EDARADD: variants seen among roughly 807,000 people sequenced by gnomAD.
The protein encoded by EDARADD is EDAR associated via death domain.
A neutral mutation model predicts 25.6 loss-of-function variants in EDARADD; 20 were observed. The ratio of observed to expected loss-of-function variants is 0.78; its 90% CI spans 0.55 to 1.14. The LOEUF is 1.14. EDARADD is among the 50% of genes most tolerant of loss of function. The pLI is 0.00. For synonymous variants in EDARADD, 86 were observed against 94.4 expected (o/e 0.91, Z 0.52); for missense variants, 225 against 270.1 (o/e 0.83, Z 1.17).
At chr1:236,447,224 C>CTTTTCTTTCTTTCTTTCTTTCTTT in intron 4 of EDARADD, among the ~76,000 whole-genome samples, 1 of 38,546 alleles carries the variant, frequency 2.6e-5, no homozygotes, top group African/African-American at 6.7e-5. Flanking sequence ...TTCTTTCTTT[C>CTTTTCTTTCTTTCTTTCTTTCTTT]CTTTCTTTCC....
chr1:236,465,876 C>G (rs1253603), intron 4 of EDARADD, among the ~76,000 whole-genome samples: 148,997 of 152,312 alleles, frequency 0.98, 72,944 homozygotes, highest in Middle Eastern at 1. Flanking sequence ...TAAGAACAAA[C>G]ATCATGCATA....
At position 236,394,501 on chromosome 1, in the gene EDARADD, A is replaced by G; in HGVS notation, c.57A>G (p.Gln19=). 3 of 1,613,988 alleles carry G rather than the reference A, an allele frequency of 1.9e-6. No individual in the cohort carries two copies. Among genetic ancestry groups the G allele is most frequent in the Non-Finnish European group, 2.5e-6 (3 of 1,179,940 alleles). ...GAGGCACTAAAGCTCCTGGTCACCA[A>G]GAGGGTATGTAGGCATTTGCTGTCT... ...MGRGTKAPGH[Q]EDHMVKEPVE... Residue 19 remains glutamine (Q), a synonymous_variant, in exon 1 of 6, where the codon CAA becomes CAG. Coordinates refer to ENST00000334232, the MANE Select transcript of EDARADD (RefSeq NM_145861.4).
rs1667566241 is a variant in EDARADD at position 236,398,869 on chromosome 1, A to C, written c.61+4364A>C. Among the ~76,000 whole-genome samples the C allele has an allele frequency of 6.6e-6, 1 of 152,224 alleles. No individual in the cohort carries two copies. Among genetic ancestry groups the C allele is most frequent in the African/African-American group, 2.4e-5 (1 of 41,452 alleles). On this transcript the variant is annotated intron_variant, in intron 1 of 5. Coordinates refer to ENST00000334232, the MANE Select transcript of EDARADD (RefSeq NM_145861.4). The surrounding 1 kb of genome is among the most constrained non-coding windows in gnomAD (Gnocchi z 4.1). ...ACCGTGGCTATTTCCAGTAGGAAAT[A>C]AACTCGTGGACAGAGGTCATGTCTG...
At chr1:236,448,600 G>A (rs1303053992) in intron 4 of EDARADD, among the ~76,000 whole-genome samples, 2 of 152,166 alleles carry the variant, frequency 1.3e-5, no homozygotes, top group Non-Finnish European at 2.9e-5. Flanking sequence ...ATACATATAT[G>A]ATCTATGTGA....
intron 3 of EDARADD, among the ~76,000 whole-genome samples, chr1:236,367,702 T>G (rs1352581195): frequency 6.6e-6 from 1 of 152,216 alleles, no homozygotes; most frequent in African/African-American, 2.4e-5. Flanking sequence ...ACATTTGGGC[T>G]AAGATGTTTT....
intron 3 of EDARADD, among the ~76,000 whole-genome samples, chr1:236,420,641 A>G (rs1657759212): frequency 6.6e-6 from 1 of 152,222 alleles, no homozygotes; most frequent in South Asian, 2.1e-4. Flanking sequence ...TAGGAGGGTG[A>G]GCTGTTGGGA....
At chr1:236,363,030 T>TATATATATATATAAAA (rs796610771) in intron 3 of EDARADD, among the ~76,000 whole-genome samples, 31 of 101,940 alleles carry the variant, frequency 3.0e-4, no homozygotes, top group South Asian at 1.2e-3. Flanking sequence ...TATATATATA[T>TATATATATATATAAAA]ATAAAATTTG....
At chr1:236,355,064 A>T (rs1366965162) in intron 3 of EDARADD, among the ~76,000 whole-genome samples, 1 of 152,246 alleles carries the variant, frequency 6.6e-6, no homozygotes, top group East Asian at 1.9e-4. Flanking sequence ...CCTGGTTTGC[A>T]AACCGATATC....
In EDARADD at chr1:236,482,616, G is replaced by A. The variant is rs753408117; in HGVS notation, c.615G>A (p.Lys205=). ...LRRWVDEEWP[K]RERGDPSRHF is the part of the protein sequence containing the mutation. ...GGTGGGTGGACGAGGAGTGGCCCAA[G>A]CGGGAGCGTGGAGACCCCTCCAGGC... The change falls in exon 6 of 6, where the codon AAG becomes AAA. Residue 205 remains lysine, a synonymous_variant. Coordinates refer to ENST00000334232, the MANE Select transcript of EDARADD (RefSeq NM_145861.4). The A allele has an allele frequency of 5.0e-6, 8 of 1,612,306 alleles. No homozygotes were observed. The South Asian group carries it at 7.7e-5, about 16-fold the overall frequency.
chr1:236,419,619 T>C (rs1387803458), intron 3 of EDARADD, among the ~76,000 whole-genome samples: 1 of 152,058 alleles, frequency 6.6e-6, no homozygotes, highest in Non-Finnish European at 1.5e-5. Flanking sequence ...AGATTCCAAC[T>C]AAGGCGGTCT....
At chr1:236,454,703 G>A (rs963115334) in intron 4 of EDARADD, among the ~76,000 whole-genome samples, 1 of 152,204 alleles carries the variant, frequency 6.6e-6, no homozygotes, top group Non-Finnish European at 1.5e-5. Flanking sequence ...GAGTAGCAGA[G>A]TTGGCCCGGG....
intron 3 of EDARADD, among the ~76,000 whole-genome samples, chr1:236,385,684 A>T (rs2102997125): frequency 6.6e-6 from 1 of 151,882 alleles, no homozygotes; most frequent in Non-Finnish European, 1.5e-5. Flanking sequence ...AGATTGTGCC[A>T]TTGCACTCCA....
intron 1 of EDARADD, among the ~76,000 whole-genome samples, chr1:236,396,462 T>C (rs2103001069): frequency 6.6e-6 from 1 of 152,344 alleles, no homozygotes; most frequent in Admixed American, 6.5e-5. Flanking sequence ...TTGGAAACAC[T>C]GAAGAGAGTT....
chr1:236,454,139 G>A (rs753581929), intron 4 of EDARADD, among the ~76,000 whole-genome samples: 1 of 151,984 alleles, frequency 6.6e-6, no homozygotes, highest in Non-Finnish European at 1.5e-5. Context: ...TCCATCTCCC[G>A]GGTTCAAGCA....
intron 1 of EDARADD, among the ~76,000 whole-genome samples, chr1:236,400,336 C>A (rs1323600767): frequency 6.6e-6 from 1 of 152,056 alleles, no homozygotes; most frequent in East Asian, 1.9e-4. Context: ...GCTCGGCTGC[C>A]CTCCAGAGAG....
At chr1:236,424,461 C>A (rs1657859954) in intron 3 of EDARADD, among the ~76,000 whole-genome samples, 1 of 152,158 alleles carries the variant, frequency 6.6e-6, no homozygotes, top group Non-Finnish European at 1.5e-5. Context: ...CCACACCCAA[C>A]CTGTCTTCTC....
Position 236,482,686 on chromosome 1 carries a change from T to G in EDARADD, c.*37T>G. The G allele has an allele frequency of 6.2e-7, 1 of 1,609,210 alleles. No individual in the cohort carries two copies. The highest frequency in any genetic ancestry group is 8.5e-7 in the Non-Finnish European group (1 of 1,179,942). On this transcript the variant is annotated 3_prime_UTR_variant, in exon 6 of 6. Coordinates refer to ENST00000334232, the MANE Select transcript of EDARADD (RefSeq NM_145861.4). Reference sequence around the variant, plus strand: ...TTCCTTCATTGGCCTCTCCGGATGTTGAAACAACCACAGGTCAAGAAGGAA... The same window carrying G: ...TTCCTTCATTGGCCTCTCCGGATGTGGAAACAACCACAGGTCAAGAAGGAA...
Position 236,394,329 on chromosome 1 carries a change from G to T in EDARADD, c.-116G>T. ...TCCTCCCACCTACAAATTCCCCAGA[G>T]AGCTTTCATCTAGAAGGTTTGACTC... is the stretch of plus-strand genomic sequence containing the variant. On this transcript the variant is annotated 5_prime_UTR_variant, in exon 1 of 6. Transcript: ENST00000334232. The T allele has an allele frequency of 8.7e-7, 1 of 1,149,026 alleles. No individual in the cohort carries two copies. Among genetic ancestry groups the T allele is most frequent in the Non-Finnish European group, 1.3e-6 (1 of 766,374 alleles). 71.2% of individuals were successfully genotyped at this position (1,149,026 alleles called of 1,614,324 possible). A position where few individuals can be genotyped will look rare whatever the true frequency, so the allele number is the denominator to read the frequency against.
chr1:236,464,429 T>G (rs1659129787), intron 4 of EDARADD, among the ~76,000 whole-genome samples: 1 of 84,830 alleles, frequency 1.2e-5, no homozygotes, highest in African/African-American at 5.0e-5. Context: ...GCAACTTTTT[T>G]TTTTTTTTTT....
Sources: allele counts gnomAD v4.1 joint callset (sites outside exome capture counted in the v4.1 genomes callset), GRCh38; gene constraint gnomAD v4.1.1; non-coding constraint Gnocchi (gnomAD v3.1); transcripts MANE v1.5; gene names NCBI Gene and HGNC (gene_info 2026-07-23, HGNC 2026-07-21).